Variants in EEF1AKMT1 observed in about 807,000 individuals in gnomAD.
The protein encoded by EEF1AKMT1 is N-6 adenine-specific DNA methyltransferase 2 (putative).
A neutral mutation model predicts 21.0 loss-of-function variants in EEF1AKMT1; 18 were observed. The ratio of observed to expected loss-of-function variants is 0.86; its 90% CI spans 0.59 to 1.27. EEF1AKMT1 has a LOEUF of 1.27. Among genes scored for constraint, EEF1AKMT1 ranks in the 50% most tolerant of loss-of-function variants. EEF1AKMT1 has a pLI of 0.00. For synonymous variants in EEF1AKMT1, 109 were observed against 94.8 expected (o/e 1.15, Z -0.87); for missense variants, 246 against 258.6 (o/e 0.95, Z 0.33).
chr13:20,739,512 T>C (rs945063729), intron 2 of EEF1AKMT1, among the ~76,000 whole-genome samples: 8 of 152,282 alleles, frequency 5.3e-5, no homozygotes, highest in Non-Finnish European at 4.4e-5. Flanking sequence ...AGGGTGCTGA[T>C]TGGTGCATTT....
chr13:20,741,490 C>T (rs111909500), intron 2 of EEF1AKMT1, among the ~76,000 whole-genome samples: 9,283 of 130,756 alleles, frequency 0.071, 941 homozygotes, highest in African/African-American at 0.23. Context: ...TGGAGTCTTG[C>T]TCTGTCGCCA....
At chr13:20,741,525 C>T in intron 2 of EEF1AKMT1, among the ~76,000 whole-genome samples, 1 of 143,758 alleles carries the variant, frequency 7.0e-6, no homozygotes, top group Admixed American at 7.1e-5. Context: ...GGTGCAATCT[C>T]AGCTCACTGC....
chr13:20,751,142 CTGAT>C (rs1227892687), intron 2 of EEF1AKMT1, among the ~76,000 whole-genome samples: 2 of 152,130 alleles, frequency 1.3e-5, no homozygotes, highest in Non-Finnish European at 2.9e-5. Flanking sequence ...CTCCATTCTG[CTGAT>C]TGTTTCCTTT....
chr13:20,734,202 A>T (rs907403965), intron 3 of EEF1AKMT1, among the ~76,000 whole-genome samples: 8 of 152,210 alleles, frequency 5.3e-5, no homozygotes, highest in Admixed American at 1.3e-4. Flanking sequence ...TTTTCAGACA[A>T]CAAAATTGCC....
At chr13:20,738,178 G>A (rs963487096) in intron 2 of EEF1AKMT1, among the ~76,000 whole-genome samples, 3 of 152,138 alleles carry the variant, frequency 2.0e-5, no homozygotes, top group Admixed American at 6.5e-5. Context: ...CAGCAATGAA[G>A]AGAATTACAA....
At chr13:20,729,285 TGA>T in intron 4 of EEF1AKMT1, 69 bp from the exon 5 acceptor site, 1 of 1,579,970 alleles carries the variant, frequency 6.3e-7, no homozygotes, top group South Asian at 1.1e-5. Context: ...TCCTGAGCTG[TGA>T]GAGGGGCTCT....
intron 1 of EEF1AKMT1, among the ~76,000 whole-genome samples, chr13:20,759,309 G>T (rs59040838): frequency 6.6e-6 from 1 of 152,184 alleles, no homozygotes; most frequent in African/African-American, 2.4e-5. Flanking sequence ...GCCGGGCGCC[G>T]TGGCTCACGC....
intron 3 of EEF1AKMT1, among the ~76,000 whole-genome samples, chr13:20,737,397 A>G (rs887997619): frequency 6.6e-6 from 1 of 152,210 alleles, no homozygotes; most frequent in African/African-American, 2.4e-5. Context: ...ACATATATAC[A>G]TATCAAATTA....
At chr13:20,757,035 G>A (rs1483619683) in intron 2 of EEF1AKMT1, among the ~76,000 whole-genome samples, 2 of 152,106 alleles carry the variant, frequency 1.3e-5, no homozygotes, top group East Asian at 1.9e-4. Flanking sequence ...CTTCTTGGAC[G>A]CAGTAGAAGA....
intron 1 of EEF1AKMT1, among the ~76,000 whole-genome samples, chr13:20,761,055 T>C (rs1206859815): frequency 6.6e-6 from 1 of 152,262 alleles, no homozygotes; most frequent in Non-Finnish European, 1.5e-5. Context: ...AAATGAACAG[T>C]ACAATCCACA....
chr13:20,731,724 T>A, intron 4 of EEF1AKMT1, 117 bp downstream of exon 4: 1 of 1,052,704 alleles, frequency 9.5e-7, no homozygotes. Flanking sequence ...CACAAAGAGT[T>A]AAATAACTTG....
chr13:20,749,840 G>A (rs191866792), intron 2 of EEF1AKMT1, among the ~76,000 whole-genome samples: 164 of 152,276 alleles, frequency 1.1e-3, no homozygotes, highest in Non-Finnish European at 1.7e-3. Flanking sequence ...CTCATAGTCC[G>A]AAGACTTTGT....
chr13:20,757,755 T>G, intron 1 of EEF1AKMT1, 138 bp from the exon 2 acceptor site: 1 of 703,204 alleles, frequency 1.4e-6, no homozygotes, highest in South Asian at 2.3e-5. Context: ...AATAAAATTC[T>G]AAGCCCCCCA....
At chr13:20,744,535 GT>G (rs2058891802) in intron 2 of EEF1AKMT1, among the ~76,000 whole-genome samples, 2 of 152,068 alleles carry the variant, frequency 1.3e-5, no homozygotes, top group Non-Finnish European at 1.5e-5. Context: ...TGATGGGGCT[GT>G]TTTTTTCTTG....
At chr13:20,773,892 C>G (rs923164696) in intron 1 of EEF1AKMT1, 29 bp downstream of exon 1, 1 of 152,574 alleles carries the variant, frequency 6.6e-6, no homozygotes, top group African/African-American at 2.4e-5. Flanking sequence ...GCAGCCAACC[C>G]TACAGCTGCG....
chr13:20,752,904 G>A (rs2058950454), intron 2 of EEF1AKMT1, among the ~76,000 whole-genome samples: 1 of 151,336 alleles, frequency 6.6e-6, no homozygotes, highest in South Asian at 2.1e-4. Flanking sequence ...ACTTTTCATT[G>A]ATCCATTGAA....
chr13:20,728,905 G>T lies in EEF1AKMT1; in HGVS notation c.*175C>A. On this transcript the variant is annotated 3_prime_UTR_variant, in exon 5 of 5. Coordinates refer to ENST00000382758, the MANE Select transcript of EEF1AKMT1 (RefSeq NM_001318939.2). ...AGGTTGGCAGAAGACTGAGCTCTAG[G>T]GACGCCCTCCCTAAGGAAACAATAA... 1 of 752,288 alleles carries T rather than the reference G, an allele frequency of 1.3e-6. No individual in the cohort carries two copies. The highest frequency in any genetic ancestry group is 2.1e-6 in the Non-Finnish European group (1 of 469,090). The allele number at this position is 752,288 out of a possible 1,614,324, so 46.6% of individuals were successfully genotyped here.
At chr13:20,773,221 G>GTTA (rs1241207970) in intron 1 of EEF1AKMT1, among the ~76,000 whole-genome samples, 1 of 152,116 alleles carries the variant, frequency 6.6e-6, no homozygotes, top group African/African-American at 2.4e-5. Context: ...GGTCGTACGT[G>GTTA]TGCAGTGCGA....
chr13:20,772,152 ATATTAT>A (rs759329333), intron 1 of EEF1AKMT1, among the ~76,000 whole-genome samples: 4 of 152,182 alleles, frequency 2.6e-5, no homozygotes, highest in Non-Finnish European at 4.4e-5. Context: ...GTACTGTGTT[ATATTAT>A]TATTATTTTT....
Sources: gnomAD v4.1 joint callset for allele counts (sites outside exome capture counted in the v4.1 genomes callset) on GRCh38, gnomAD v4.1.1 for gene constraint, MANE v1.5 for transcripts, NCBI Gene and HGNC (gene_info 2026-07-23, HGNC 2026-07-21) for gene names.